CDH12: variants seen among roughly 807,000 people sequenced by gnomAD.
The protein encoded by CDH12 is cadherin 12.
In CDH12, 41 loss-of-function variants were observed where a neutral mutation model predicts 74.1. That is an observed-to-expected ratio of 0.55 (90% CI 0.43 to 0.72). CDH12 has a LOEUF of 0.72. CDH12 is among the 30% of genes least tolerant of loss of function. CDH12 has a pLI of 0.00. For missense variants in CDH12, 945 were observed against 977.2 expected, an observed-to-expected ratio of 0.97 and a Z score of 0.44; for synonymous variants, 399 against 355.0, an observed-to-expected ratio of 1.12 and a Z score of -1.39.
intron 4 of CDH12, among the ~76,000 whole-genome samples, chr5:22,090,253 C>A: frequency 6.6e-6 from 1 of 151,728 alleles, no homozygotes; most frequent in African/African-American, 2.4e-5. Flanking sequence ...ATACCATGAA[C>A]AACTTTATGC....
At chr5:22,683,590 T>C (rs1741610081) in intron 1 of CDH12, among the ~76,000 whole-genome samples, 1 of 152,160 alleles carries the variant, frequency 6.6e-6, no homozygotes. Context: ...TTTTCTGCAT[T>C]GAAAAAGCAA....
chr5:22,545,915 CTG>C (rs1337116374), intron 1 of CDH12, among the ~76,000 whole-genome samples: 2 of 150,918 alleles, frequency 1.3e-5, no homozygotes, highest in Non-Finnish European at 1.5e-5. Flanking sequence ...GTCACTTAAA[CTG>C]TCTAGATTTT....
chr5:22,593,731 T>G (rs1016115126), intron 1 of CDH12, among the ~76,000 whole-genome samples: 1 of 152,106 alleles, frequency 6.6e-6, no homozygotes, highest in Non-Finnish European at 1.5e-5. Context: ...CAGAAGACAT[T>G]TTAGCTTTAG....
intron 3 of CDH12, among the ~76,000 whole-genome samples, chr5:22,308,074 G>GT (rs1449047099): frequency 1.3e-5 from 2 of 151,606 alleles, no homozygotes; most frequent in Non-Finnish European, 2.9e-5. Flanking sequence ...TAGAAACGGG[G>GT]TTTCACCACG....
intron 3 of CDH12, among the ~76,000 whole-genome samples, chr5:22,398,274 T>A (rs1197682420): frequency 6.6e-6 from 1 of 152,004 alleles, no homozygotes; most frequent in Non-Finnish European, 1.5e-5. Context: ...TAGCAGGAGG[T>A]AAGGATATAC....
intron 5 of CDH12, among the ~76,000 whole-genome samples, chr5:22,049,618 C>A (rs1468484069): frequency 6.6e-6 from 1 of 152,112 alleles, no homozygotes; most frequent in Non-Finnish European, 1.5e-5. Context: ...CTTATCATTT[C>A]TTTCATGTTT....
chr5:22,708,912 G>A (rs1743155964), intron 1 of CDH12, among the ~76,000 whole-genome samples: 1 of 152,126 alleles, frequency 6.6e-6, no homozygotes, highest in African/African-American at 2.4e-5. Flanking sequence ...GCCACTGAAA[G>A]CGCCGCCACC....
intron 1 of CDH12, among the ~76,000 whole-genome samples, chr5:22,814,053 T>C (rs1269513238): frequency 1.3e-5 from 2 of 152,194 alleles, no homozygotes; most frequent in Non-Finnish European, 2.9e-5. Flanking sequence ...TTGGCAAAAG[T>C]CTATTTTTTC....
intron 1 of CDH12, among the ~76,000 whole-genome samples, chr5:22,833,168 C>A (rs1736692225): frequency 6.6e-6 from 1 of 152,260 alleles, no homozygotes; most frequent in Admixed American, 6.5e-5. Flanking sequence ...CTTAATGCCA[C>A]AGTAAACGGA....
intron 1 of CDH12, among the ~76,000 whole-genome samples, chr5:22,718,757 C>T (rs779135964): frequency 3.3e-5 from 5 of 152,120 alleles, no homozygotes; most frequent in Non-Finnish European, 7.3e-5. Flanking sequence ...GATCAAACTG[C>T]AGTAAGAACT....
intron 2 of CDH12, among the ~76,000 whole-genome samples, chr5:22,459,471 G>A (rs1424997560): frequency 6.6e-6 from 1 of 152,116 alleles, no homozygotes; most frequent in Non-Finnish European, 1.5e-5. Context: ...TACTGTGTGA[G>A]ACAAGAGTAT....
chr5:22,630,390 G>A (rs1196313435), intron 1 of CDH12, among the ~76,000 whole-genome samples: 2 of 151,832 alleles, frequency 1.3e-5, no homozygotes, highest in Admixed American at 6.6e-5. Flanking sequence ...ATCCAACTTC[G>A]AACTAAGCTA....
chr5:22,666,089 A>G (rs1232907734), intron 1 of CDH12, among the ~76,000 whole-genome samples: 1 of 151,992 alleles, frequency 6.6e-6, no homozygotes, highest in East Asian at 1.9e-4. Context: ...CCCCATATCA[A>G]TCCTGCCAAA....
At chr5:21,918,539 A>G (rs1754205905) in intron 6 of CDH12, among the ~76,000 whole-genome samples, 1 of 152,088 alleles carries the variant, frequency 6.6e-6, no homozygotes, top group African/African-American at 2.4e-5. Context: ...CAGAAGGCGA[A>G]GGGGAAGCAA....
intron 5 of CDH12, among the ~76,000 whole-genome samples, chr5:22,077,816 T>C (rs1055431637): frequency 1.3e-5 from 2 of 152,184 alleles, no homozygotes; most frequent in Non-Finnish European, 2.9e-5. Context: ...TTGCATGCTC[T>C]GTTGATGTGT....
intron 4 of CDH12, among the ~76,000 whole-genome samples, chr5:22,203,718 A>G (rs1442393532): frequency 6.6e-6 from 1 of 152,204 alleles, no homozygotes; most frequent in Non-Finnish European, 1.5e-5. Flanking sequence ...ACCAACAGCA[A>G]TATGAATTCC....
intron 3 of CDH12, among the ~76,000 whole-genome samples, chr5:22,337,913 G>A (rs201819902): frequency 1.3e-5 from 2 of 152,128 alleles, no homozygotes; most frequent in East Asian, 3.9e-4. Context: ...CAGAAGTCAG[G>A]CAATAACAAA....
chr5:22,819,988 C>CATATACATATATATACATATACATAT (rs1554005927), intron 1 of CDH12, among the ~76,000 whole-genome samples: 1,955 of 142,562 alleles, frequency 0.014, 54 homozygotes, highest in Non-Finnish European at 0.019. Flanking sequence ...CATATATATA[C>CATATACATATATATACATATACATAT]ATATACATAT....
At chr5:22,173,753 C>T (rs745626654) in intron 4 of CDH12, among the ~76,000 whole-genome samples, 12 of 151,916 alleles carry the variant, frequency 7.9e-5, no homozygotes, top group East Asian at 5.8e-4. Context: ...CTAACACTTA[C>T]GTAATGTGTA....
Sources: gnomAD v4.1 joint callset for allele counts (sites outside exome capture counted in the v4.1 genomes callset) on GRCh38, gnomAD v4.1.1 for gene constraint, MANE v1.5 for transcripts, NCBI Gene and HGNC (gene_info 2026-07-23, HGNC 2026-07-21) for gene names.